The following CCDC148 variants were observed in gnomAD, a reference collection of about 807,000 sequenced individuals.
CCDC148 encodes the protein coiled-coil domain-containing protein 148.
A neutral mutation model predicts 85.7 loss-of-function variants in CCDC148; 89 were observed. The observed-to-expected ratio is 1.04, with a 90% CI of 0.87 to 1.24. The LOEUF is 1.24. CCDC148 is among the 50% of genes most tolerant of loss of function. The probability of loss-of-function intolerance (pLI) is 0.00; values close to 1 mark genes in which losing one functional copy is unlikely to be tolerated. For missense variants in CCDC148, 692 were observed against 671.7 expected (o/e 1.03, Z -0.33); for synonymous variants, 230 against 213.9 (o/e 1.08, Z -0.66).
At chr2:158,368,990 G>C (rs893141193) in intron 1 of CCDC148, among the ~76,000 whole-genome samples, 2 of 151,900 alleles carry the variant, frequency 1.3e-5, no homozygotes, top group African/African-American at 4.8e-5. Context: ...TTAGGGTTAA[G>C]GTTGTACTAC....
intron 1 of CCDC148, among the ~76,000 whole-genome samples, chr2:158,361,737 C>A (rs1683956577): frequency 6.6e-6 from 1 of 152,104 alleles, no homozygotes; most frequent in Non-Finnish European, 1.5e-5. Flanking sequence ...ATTGTAAAGA[C>A]CATCAGCACT....
At chr2:158,435,267 A>T (rs543512873) in intron 1 of CCDC148, among the ~76,000 whole-genome samples, 1 of 152,376 alleles carries the variant, frequency 6.6e-6, no homozygotes, top group South Asian at 2.1e-4. Flanking sequence ...CATCAGACTA[A>T]TAGCAGATCT....
intron 11 of CCDC148, among the ~76,000 whole-genome samples, chr2:158,219,125 A>T (rs1251287483): frequency 6.6e-6 from 1 of 152,164 alleles, no homozygotes; most frequent in Non-Finnish European, 1.5e-5. Context: ...GGCTTTATTT[A>T]TTATAGCGAT....
At chr2:158,345,983 T>C (rs1380776421) in intron 2 of CCDC148, among the ~76,000 whole-genome samples, 1 of 152,182 alleles carries the variant, frequency 6.6e-6, no homozygotes, top group African/African-American at 2.4e-5. Context: ...TATTTGAAGA[T>C]ACTTAAAGAA....
At chr2:158,257,250 A>C (rs1407206807) in intron 9 of CCDC148, among the ~76,000 whole-genome samples, 1 of 151,698 alleles carries the variant, frequency 6.6e-6, no homozygotes, top group African/African-American at 2.4e-5. Context: ...TTCAGCAACT[A>C]ATTTATATTT....
At chr2:158,256,722 C>A (rs1238103955) in intron 9 of CCDC148, among the ~76,000 whole-genome samples, 4 of 151,764 alleles carry the variant, frequency 2.6e-5, no homozygotes, top group African/African-American at 9.7e-5. Context: ...GCAAGCCTGT[C>A]TACTTCACAC....
At chr2:158,359,145 T>C (rs1683812432) in intron 1 of CCDC148, among the ~76,000 whole-genome samples, 2 of 152,228 alleles carry the variant, frequency 1.3e-5, no homozygotes, top group South Asian at 2.1e-4. Flanking sequence ...TCTGGTATGA[T>C]ATGAAAACCA....
At chr2:158,340,489 T>C in intron 4 of CCDC148, 96 bp from the exon 5 acceptor site, 1 of 1,478,634 alleles carries the variant, frequency 6.8e-7, no homozygotes, top group Non-Finnish European at 9.2e-7. Context: ...GGGGATTTCC[T>C]TAGAAAAAAA....
At chr2:158,402,919 A>C (rs1208477532) in intron 1 of CCDC148, among the ~76,000 whole-genome samples, 1 of 152,138 alleles carries the variant, frequency 6.6e-6, no homozygotes, top group Non-Finnish European at 1.5e-5. Flanking sequence ...TGAGAATAGA[A>C]CATGTCTCTA....
At chr2:158,299,830 T>C (rs891958300) in intron 9 of CCDC148, among the ~76,000 whole-genome samples, 8 of 152,174 alleles carry the variant, frequency 5.3e-5, no homozygotes, top group Non-Finnish European at 1.2e-4. Flanking sequence ...ATGGAAGGAA[T>C]TGATACTGTG....
chr2:158,264,751 A>T (rs1689382962), intron 9 of CCDC148, among the ~76,000 whole-genome samples: 1 of 152,076 alleles, frequency 6.6e-6, no homozygotes, highest in African/African-American at 2.4e-5. Flanking sequence ...GTCATCTTGA[A>T]TTTTTTCCAA....
chr2:158,179,085 C>T, intron 11 of CCDC148, 89 bp from the exon 12 acceptor site: 1 of 818,044 alleles, frequency 1.2e-6, no homozygotes, highest in Non-Finnish European at 1.9e-6. Context: ...GAACACATCT[C>T]AGAGGTAACA....
At chr2:158,294,005 CTT>C (rs1242902288) in intron 9 of CCDC148, among the ~76,000 whole-genome samples, 2,983 of 9,188 alleles carry the variant, frequency 0.32, 636 homozygotes, top group East Asian at 0.38. Context: ...TCCCTCCCTC[CTT>C]CCTTCCTTCC....
chr2:158,212,114 TA>T (rs1294261846), intron 11 of CCDC148, among the ~76,000 whole-genome samples: 1 of 152,144 alleles, frequency 6.6e-6, no homozygotes, highest in East Asian at 1.9e-4. Flanking sequence ...AATATACATA[TA>T]AAATACAAAA....
At chr2:158,415,709 A>G (rs183386780) in intron 1 of CCDC148, among the ~76,000 whole-genome samples, 255 of 152,342 alleles carry the variant, frequency 1.7e-3, no homozygotes, top group Middle Eastern at 6.8e-3. Context: ...AATCTGCCAG[A>G]AGAAAGGAAC....
chr2:158,408,458 C>T lies in CCDC148; in HGVS notation c.25+47957G>A, dbSNP rs571976143. Among the ~76,000 whole-genome samples, 4 of 152,134 alleles carry T rather than the reference C, an allele frequency of 2.6e-5. No individual in the cohort carries two copies. In the South Asian group the frequency reaches 8.3e-4, roughly 32 times the overall value. ...CTATGAGTTTGACTATTTTAAATTC[C>T]ACATATAAGTGAGATCATGAAGCAT... On this transcript the variant is annotated intron_variant, in intron 1 of 13. Coordinates refer to ENST00000283233, the MANE Select transcript of CCDC148 (RefSeq NM_138803.4).
At chr2:158,348,256 G>A (rs1197752579) in intron 2 of CCDC148, among the ~76,000 whole-genome samples, 3 of 151,932 alleles carry the variant, frequency 2.0e-5, no homozygotes, top group African/African-American at 7.2e-5. Flanking sequence ...AAAATTAATT[G>A]AACTTGAATC....
chr2:158,372,564 C>A (rs976592734), intron 1 of CCDC148, among the ~76,000 whole-genome samples: 4 of 152,026 alleles, frequency 2.6e-5, no homozygotes, highest in African/African-American at 9.7e-5. Flanking sequence ...CATACCTGGA[C>A]TTGATGTAAG....
intron 10 of CCDC148, among the ~76,000 whole-genome samples, chr2:158,233,758 A>G (rs1052518212): frequency 1.1e-4 from 16 of 152,028 alleles, no homozygotes; most frequent in African/African-American, 3.6e-4. Flanking sequence ...AGCCAGATTA[A>G]AGGTATTCTA....
Sources: allele counts gnomAD v4.1 joint callset (sites outside exome capture counted in the v4.1 genomes callset), GRCh38; gene constraint gnomAD v4.1.1; transcripts MANE v1.5; gene names NCBI Gene and HGNC (gene_info 2026-07-23, HGNC 2026-07-21).